The following CEP128 variants were observed in gnomAD, a reference collection of about 807,000 sequenced individuals.
CEP128 encodes the protein centrosomal protein 128kDa.
In CEP128, 132 loss-of-function variants were observed where a neutral mutation model predicts 156.7. The ratio of observed to expected loss-of-function variants is 0.84; its 90% confidence interval spans 0.73 to 0.97. The LOEUF (loss-of-function observed/expected upper bound fraction) is 0.97, where lower values mean the gene tolerates loss of function less well. Ranked by LOEUF, CEP128 falls within the 50% of genes least tolerant of loss-of-function variation. CEP128 has a pLI of 0.00. For missense variants in CEP128, 1,252 were observed against 1,281.9 expected (o/e 0.98, Z 0.36); for synonymous variants, 469 against 448.9 (o/e 1.04, Z -0.57).
At chr14:80,741,109 G>A (rs1350369981) in intron 19 of CEP128, among the ~76,000 whole-genome samples, 3 of 151,870 alleles carry the variant, frequency 2.0e-5, no homozygotes, top group Non-Finnish European at 4.4e-5. Context: ...TGGAAAGCAA[G>A]ATCAGTCACC....
rs1441515202 is a variant in CEP128, at chr14:80,530,675, A to G, written c.2958+134T>C. The G allele has an allele frequency of 1.0e-5, 5 of 487,398 alleles. No homozygotes were observed. In the Admixed American group the frequency reaches 1.9e-4, roughly 19 times the overall value. The allele number at this position is 487,398 out of a possible 1,614,324, so 30.2% of individuals were successfully genotyped here. On this transcript the variant is annotated intron_variant, in intron 22 of 24. Transcript: ENST00000555265. The stretch of plus-strand genomic sequence containing the variant: ...TTCACAAATGTCAATAAACCCTGAT[A>G]AGGTGGTATGTTAAAAGTTCCCAAT...
At chr14:80,826,346 A>T (rs763768689) in intron 13 of CEP128, among the ~76,000 whole-genome samples, 7 of 152,194 alleles carry the variant, frequency 4.6e-5, no homozygotes, top group Non-Finnish European at 5.9e-5. Flanking sequence ...TTCAGGTAAT[A>T]GCATATTTTA....
In CEP128 at chr14:80,778,006, C is replaced by T. The variant is rs138204688; in HGVS notation, c.2252G>A (p.Arg751His). 3.2e-4 allele frequency: 514 copies of T among 1,613,412 alleles called. 2 individuals are homozygous for T. Among genetic ancestry groups the T allele is most frequent in the Non-Finnish European group, 4.0e-4 (472 of 1,179,838 alleles). Reference protein sequence around the residue: ...LEEKNMAKIHRGQLEKLKSQC... With the variant: ...LEEKNMAKIHHGQLEKLKSQC... ...TGATTTCAACTTCTCCAGCTGACCA[C>T]GATGAATTTTAGCCATATTCTTCTC... The change falls in exon 16 of 25, where the codon CGT (arginine) becomes CAT (histidine). Residue 751 changes from arginine to histidine, a missense_variant. Coordinates refer to ENST00000555265, the MANE Select transcript of CEP128 (RefSeq NM_152446.5).
At chr14:80,788,288 C>CTTTTTTTTTTTTTTTTT (rs10628361) in intron 14 of CEP128, among the ~76,000 whole-genome samples, 5 of 97,250 alleles carry the variant, frequency 5.1e-5, no homozygotes, top group Non-Finnish European at 7.6e-5. Flanking sequence ...TGGCCAGGAT[C>CTTTTTTTTTTTTTTTTT]TTTTTTTTTT....
chr14:80,905,683 G>T, intron 5 of CEP128: 1 of 286,302 alleles, frequency 3.5e-6, no homozygotes. Flanking sequence ...TATTTGTTTT[G>T]ATTCTTTGGC....
intron 19 of CEP128, among the ~76,000 whole-genome samples, chr14:80,627,030 G>C (rs1163592857): frequency 6.6e-6 from 1 of 152,042 alleles, no homozygotes; most frequent in Non-Finnish European, 1.5e-5. Flanking sequence ...ATTCCATACA[G>C]TCCTGACAAG....
chr14:80,816,958 T>C (rs973385832), intron 13 of CEP128, among the ~76,000 whole-genome samples: 1 of 99,078 alleles, frequency 1.0e-5, no homozygotes, highest in Non-Finnish European at 2.2e-5. Flanking sequence ...TACGTTATTG[T>C]TTAAAAAAAA....
At chr14:80,866,221 C>T (rs1887761351) in intron 8 of CEP128, among the ~76,000 whole-genome samples, 1 of 152,052 alleles carries the variant, frequency 6.6e-6, no homozygotes, top group Non-Finnish European at 1.5e-5. Context: ...ATCCCAACAC[C>T]AGGCAGACCC....
At chr14:80,691,729 A>C (rs533162334) in intron 19 of CEP128, among the ~76,000 whole-genome samples, 6 of 152,324 alleles carry the variant, frequency 3.9e-5, no homozygotes, top group African/African-American at 1.4e-4. Context: ...CAGATTTTGG[A>C]GATCAAACAA....
chr14:80,845,778 C>T (rs139284617), intron 9 of CEP128, among the ~76,000 whole-genome samples: 68 of 152,142 alleles, frequency 4.5e-4, no homozygotes, highest in Middle Eastern at 3.4e-3. Context: ...TGTAGCAAAA[C>T]GGTTTTTGTT....
chr14:80,949,984 G>A (rs748440619), intron 2 of CEP128, among the ~76,000 whole-genome samples: 1 of 152,180 alleles, frequency 6.6e-6, no homozygotes, highest in Non-Finnish European at 1.5e-5. Flanking sequence ...CCCAGTATCT[G>A]TGAATGTGAC....
chr14:80,602,364 A>G (rs1892614418), intron 19 of CEP128, among the ~76,000 whole-genome samples: 1 of 152,210 alleles, frequency 6.6e-6, no homozygotes, highest in Admixed American at 6.5e-5. Context: ...AACCAACTAG[A>G]CCTAATAGTC....
intron 19 of CEP128, among the ~76,000 whole-genome samples, chr14:80,589,410 C>A (rs963683184): frequency 6.6e-6 from 1 of 152,084 alleles, no homozygotes; most frequent in African/African-American, 2.4e-5. Flanking sequence ...ATTCTGGTAT[C>A]TGGTAATCAA....
intron 19 of CEP128, among the ~76,000 whole-genome samples, chr14:80,736,751 T>C (rs1898552606): frequency 6.6e-6 from 1 of 152,206 alleles, no homozygotes; most frequent in East Asian, 1.9e-4. Flanking sequence ...ATATTTACAG[T>C]TAACTAAAGA....
intron 8 of CEP128, among the ~76,000 whole-genome samples, chr14:80,892,145 C>G (rs1050846415): frequency 2.6e-5 from 4 of 151,674 alleles, no homozygotes; most frequent in African/African-American, 4.8e-5. Flanking sequence ...AATTATACTT[C>G]CTGATTTAAA....
intron 2 of CEP128, among the ~76,000 whole-genome samples, chr14:80,919,954 T>G (rs776141846): frequency 6.6e-6 from 1 of 152,218 alleles, no homozygotes; most frequent in African/African-American, 2.4e-5. Flanking sequence ...GTGAGATATA[T>G]CTGAGAAATT....
chr14:80,732,816 C>T (rs1407713782), intron 19 of CEP128, among the ~76,000 whole-genome samples: 1 of 151,944 alleles, frequency 6.6e-6, no homozygotes, highest in African/African-American at 2.4e-5. Flanking sequence ...TAGGTGAGGA[C>T]AAGTCCAGCA....
rs1294099645 is a variant in CEP128 at position 80,931,205 on chromosome 14, A to C, written c.-16+8180T>G. On this transcript the variant is annotated intron_variant, in intron 2 of 24. Transcript: ENST00000555265. ...TAAAGTCTTTGAATGATTACCTAAC[A>C]GGAAAACCACATTGGTCATTTTGTG... Among the ~76,000 whole-genome samples, 3 of 152,352 alleles carry C rather than the reference A, an allele frequency of 2.0e-5. No individual in the cohort carries two copies. In the East Asian group the frequency reaches 5.8e-4, roughly 29 times the overall value.
At chr14:80,729,482 G>A (rs1181614462) in intron 19 of CEP128, among the ~76,000 whole-genome samples, 1 of 152,062 alleles carries the variant, frequency 6.6e-6, no homozygotes, top group Non-Finnish European at 1.5e-5. Context: ...CTATAAACAT[G>A]CATGTGCAAG....
Sources: gnomAD v4.1 joint callset for allele counts (sites outside exome capture counted in the v4.1 genomes callset) on GRCh38, gnomAD v4.1.1 for gene constraint, MANE v1.5 for transcripts, NCBI Gene and HGNC (gene_info 2026-07-23, HGNC 2026-07-21) for gene names.